TMEM18: variants seen among roughly 807,000 people sequenced by gnomAD.
TMEM18 encodes the protein transmembrane protein 18.
Under a neutral mutation model 17.4 loss-of-function variants are expected in TMEM18, and 14 were observed. The ratio of observed to expected loss-of-function variants is 0.80; its 90% confidence interval spans 0.53 to 1.25. The LOEUF (loss-of-function observed/expected upper bound fraction) is 1.25, where lower values mean the gene tolerates loss of function less well. Among genes scored for constraint, TMEM18 ranks in the 50% most tolerant of loss-of-function variants. The pLI is 0.00. For missense variants in TMEM18, 187 were observed against 172.1 expected, an observed-to-expected ratio of 1.09 and a Z score of -0.48; for synonymous variants, 86 against 66.1, an observed-to-expected ratio of 1.30 and a Z score of -1.46.
At chr2:673,755 G>T (rs1254575622) in intron 2 of TMEM18, among the ~76,000 whole-genome samples, 1 of 140,852 alleles carries the variant, frequency 7.1e-6, no homozygotes, top group Non-Finnish European at 1.6e-5. Flanking sequence ...AGGAGGAGGG[G>T]GAGGATGGGG....
At chr2:676,332 A>G in intron 1 of TMEM18, 1 of 1,476,556 alleles carries the variant, frequency 6.8e-7, no homozygotes, top group Non-Finnish European at 9.0e-7. Flanking sequence ...CAATCCCAGC[A>G]GTCCTCAACC....
Position 666,539 on chromosome 2 carries a change from G to A in TMEM18, c.*3041C>T, listed in dbSNP as rs530825428. On this transcript the variant is annotated 3_prime_UTR_variant, in exon 5 of 5. Coordinates refer to ENST00000281017, the MANE Select transcript of TMEM18 (RefSeq NM_152834.4). ...GCTGTCAACTGTTCCAGCCCCACTC[G>A]GAACAAGCTGCCACCAACGCATGGC... is the stretch of plus-strand genomic sequence containing the variant. 1.4e-3 allele frequency among the ~76,000 whole-genome samples: 218 copies of A among 152,264 alleles called. No individual in the cohort carries two copies. Among genetic ancestry groups the A allele is most frequent in the Non-Finnish European group, 2.5e-3 (173 of 68,010 alleles).
chr2:675,425 A>G lies in TMEM18; in HGVS notation c.178+85T>C. ...GTTGGGAGGTCTTGTAAAAATATGTATATATTTCGAAGACACAGACAGAAC... is the reference window on the plus strand; with the variant it reads ...GTTGGGAGGTCTTGTAAAAATATGTGTATATTTCGAAGACACAGACAGAAC... On this transcript the variant is annotated intron_variant, in intron 2 of 4. Coordinates refer to ENST00000281017, the MANE Select transcript of TMEM18 (RefSeq NM_152834.4). 4 of 1,585,598 alleles carry G rather than the reference A, an allele frequency of 2.5e-6. No individual in the cohort carries two copies. The South Asian group carries it at 4.5e-5, about 18-fold the overall frequency.
chr2:664,817 T>C lies in TMEM18; in HGVS notation c.*4763A>G, dbSNP rs1168294255. Among the ~76,000 whole-genome samples, 1 of 152,228 alleles carries C rather than the reference T, an allele frequency of 6.6e-6. No individual in the cohort carries two copies. The highest frequency in any genetic ancestry group is 1.5e-5 in the Non-Finnish European group (1 of 68,044). ...GAGGTTGGAGATTTCTGTGTTGCTG[T>C]TGTCAGTAAAACAATTAGAAAAACT... On this transcript the variant is annotated 3_prime_UTR_variant, in exon 5 of 5. Coordinates refer to ENST00000281017, the MANE Select transcript of TMEM18 (RefSeq NM_152834.4).
intron 3 of TMEM18, chr2:670,921 G>A (rs558681278): frequency 6.6e-6 from 1 of 152,532 alleles, no homozygotes; most frequent in East Asian, 1.9e-4. Flanking sequence ...GGACGGCTTA[G>A]GGACCGCTGC....
At chr2:676,714 C>CTCCCACACT in intron 1 of TMEM18, 1 of 1,413,620 alleles carries the variant, frequency 7.1e-7, no homozygotes, top group Admixed American at 2.1e-5. Flanking sequence ...GCGCACGCCC[C>CTCCCACACT]GCCCACACTG....
chr2:676,008 T>C (rs1678994473), intron 1 of TMEM18: 1 of 1,305,226 alleles, frequency 7.7e-7, no homozygotes, highest in Non-Finnish European at 1.0e-6. Context: ...TGATAATTGG[T>C]GACGACAAGG....
chr2:675,821 C>T, intron 1 of TMEM18, 191 bp from the exon 2 acceptor site: 1 of 1,528,610 alleles, frequency 6.5e-7, no homozygotes, highest in Non-Finnish European at 8.8e-7. Context: ...GAGAAGGAAC[C>T]AGGAGGATGG....
intron 1 of TMEM18, chr2:676,026 G>A: frequency 1.5e-6 from 2 of 1,310,074 alleles, no homozygotes; most frequent in South Asian, 2.5e-5. Context: ...AGGAAATTAA[G>A]ACGATTGCTC....
intron 2 of TMEM18, among the ~76,000 whole-genome samples, chr2:673,860 T>C (rs756588440): frequency 3.1e-5 from 3 of 98,272 alleles, no homozygotes; most frequent in Non-Finnish European, 4.1e-5. Flanking sequence ...GTGGTGGGCA[T>C]GGGTGCGGGG....
At chr2:677,076 A>T in intron 1 of TMEM18, 1 of 365,990 alleles carries the variant, frequency 2.7e-6, no homozygotes, top group Non-Finnish European at 4.6e-6. Context: ...CCCCTCCCAC[A>T]GGGCCCAGGA....
chr2:676,596 T>C, intron 1 of TMEM18: 1 of 1,550,196 alleles, frequency 6.5e-7, no homozygotes. Flanking sequence ...GGCACGGAGG[T>C]GAGGGGAGCA....
rs749085616 is a variant in TMEM18 at position 669,544 on chromosome 2, A to G, written c.*36T>C. On this transcript the variant is annotated 3_prime_UTR_variant, in exon 5 of 5. Transcript: ENST00000281017. The stretch of plus-strand genomic sequence containing the variant: ...CAGCACTGGGAGCTGCACTGGGTGG[A>G]CGGGAAGGACGCAAACTCCAAGCAG... 1 of 1,607,292 alleles carries G rather than the reference A, an allele frequency of 6.2e-7. No individual in the cohort carries two copies. The highest frequency in any genetic ancestry group is 8.5e-7 in the Non-Finnish European group (1 of 1,174,014).
At chr2:672,418 A>G (rs1678874056) in intron 3 of TMEM18, among the ~76,000 whole-genome samples, 1 of 152,104 alleles carries the variant, frequency 6.6e-6, no homozygotes, top group South Asian at 2.1e-4. Flanking sequence ...ACCACCCAGA[A>G]GCCCCCTACT....
At chr2:677,253 T>C (rs777425966) in intron 1 of TMEM18, 36 bp downstream of exon 1, 2 of 1,598,430 alleles carry the variant, frequency 1.3e-6, no homozygotes, top group Non-Finnish European at 1.7e-6. Flanking sequence ...TCCGCCGTCC[T>C]CCCCCGAACT....
intron 3 of TMEM18, chr2:670,131 CCTG>C: frequency 2.6e-6 from 1 of 380,042 alleles, no homozygotes; most frequent in South Asian, 3.4e-5. Flanking sequence ...GAGACGTCAC[CCTG>C]CAAGCCCTCT....
In TMEM18 at chr2:665,175, A is replaced by C. The variant is rs1678646565; in HGVS notation, c.*4405T>G. On this transcript the variant is annotated 3_prime_UTR_variant, in exon 5 of 5. Coordinates refer to ENST00000281017, the MANE Select transcript of TMEM18 (RefSeq NM_152834.4). ...AGATGCAGACGCCCAGCTCAGATGG[A>C]GCATCACTCCCACATACAACAGAAC... 6.6e-6 allele frequency among the ~76,000 whole-genome samples: 1 copy of C among 152,144 alleles called. No homozygotes were observed. The highest frequency in any genetic ancestry group is 1.5e-5 in the Non-Finnish European group (1 of 68,022).
At position 668,632 on chromosome 2, in the gene TMEM18, TG is replaced by T. The variant is rs1678754749; in HGVS notation, c.*947del. On this transcript the variant is annotated 3_prime_UTR_variant, in exon 5 of 5. Coordinates refer to ENST00000281017, the MANE Select transcript of TMEM18 (RefSeq NM_152834.4). ...TATTGAACACCTATTTTTAAATATC[TG>T]GGTCTCTAACCACCTGTCATTCTTA... 1 of 152,268 alleles carries T rather than the reference TG, an allele frequency of 6.6e-6. No homozygotes were observed. The highest frequency in any genetic ancestry group is 1.5e-5 in the Non-Finnish European group (1 of 68,052). 9.4% of individuals were successfully genotyped at this position (152,268 alleles called of 1,614,324 possible).
rs796742130 is a variant in TMEM18 at position 676,954 on chromosome 2, G to A, written c.57+335C>T. Among the ~76,000 whole-genome samples the A allele has an allele frequency of 9.9e-5, 15 of 151,876 alleles. 1 individual carries two copies. Among genetic ancestry groups the A allele is most frequent in the African/African-American group, 3.6e-4 (15 of 41,408 alleles). On this transcript the variant is annotated intron_variant, in intron 1 of 4. Coordinates refer to ENST00000281017, the MANE Select transcript of TMEM18 (RefSeq NM_152834.4). ...GCCCAAGCCCGGGCCACAGAGCGCC[G>A]GAGCCAGCTCACTGCGCACGCTCCT...
Sources: allele counts gnomAD v4.1 joint callset (sites outside exome capture counted in the v4.1 genomes callset), GRCh38; gene constraint gnomAD v4.1.1; transcripts MANE v1.5; gene names NCBI Gene and HGNC (gene_info 2026-07-23, HGNC 2026-07-21).